Variants in TSNAX observed in about 807,000 individuals in gnomAD.
The protein encoded by TSNAX is translin-associated protein X.
In TSNAX, 12 loss-of-function variants were observed where a neutral mutation model predicts 33.0. The observed-to-expected ratio is 0.36, with a 90% CI of 0.23 to 0.59. The LOEUF is 0.59. Ranked by LOEUF, TSNAX falls within the 20% of genes least tolerant of loss-of-function variation. The pLI is 0.74. For missense variants in TSNAX, 267 were observed against 341.3 expected (o/e 0.78, Z 1.72); for synonymous variants, 110 against 117.2 (o/e 0.94, Z 0.40).
rs1466614815 is a variant in TSNAX, at chr1:231,564,847, T to C, written c.815T>C (p.Leu272Ser). The change falls in exon 6 of 6, where the codon TTG becomes TCG. Residue 272 changes from leucine (L) to serine (S), a missense_variant. Coordinates refer to ENST00000366639, the MANE Select transcript of TSNAX (RefSeq NM_005999.3). ...VRGSEIPKHM[L>S]ADVFSVKTEM... Reference sequence around the variant, plus strand: ...GGGTCAGAAATTCCAAAACATATGTTGGCAGATGTGTTTTCAGTTAAAACA... The same window carrying C: ...GGGTCAGAAATTCCAAAACATATGTCGGCAGATGTGTTTTCAGTTAAAACA... The C allele has an allele frequency of 2.5e-6, 4 of 1,614,168 alleles. No individual in the cohort carries two copies. In the South Asian group the frequency reaches 4.4e-5, roughly 18 times the overall value.
intron 3 of TSNAX, among the ~76,000 whole-genome samples, chr1:231,539,295 A>G (rs1030985329): frequency 2.0e-5 from 3 of 152,216 alleles, no homozygotes; most frequent in African/African-American, 4.8e-5. Flanking sequence ...AAAGAAAAAC[A>G]TACAGATTGA....
intron 3 of TSNAX, 125 bp from the exon 4 acceptor site, chr1:231,542,356 G>C: frequency 1.1e-6 from 1 of 888,684 alleles, no homozygotes; most frequent in Non-Finnish European, 1.7e-6. Context: ...ATAGTTTTGA[G>C]TAGTTTTGAG....
intron 2 of TSNAX, among the ~76,000 whole-genome samples, chr1:231,532,185 C>CACACAG (rs1356252515): frequency 6.9e-5 from 8 of 116,136 alleles, no homozygotes; most frequent in South Asian, 2.5e-4. Flanking sequence ...CACACACACA[C>CACACAG]AGTTTTGGTT....
At chr1:231,552,307 C>CA (rs57525507) in intron 4 of TSNAX, among the ~76,000 whole-genome samples, 9,115 of 151,976 alleles carry the variant, frequency 0.06, 364 homozygotes, top group Admixed American at 0.11. Context: ...CCAAAACAAA[C>CA]AAAAAAACCC....
intron 2 of TSNAX, 135 bp from the exon 3 acceptor site, chr1:231,537,078 A>G: frequency 1.8e-6 from 1 of 552,318 alleles, no homozygotes; most frequent in South Asian, 2.3e-5. Flanking sequence ...TGATCCACCT[A>G]CCGTGGCCTC....
intron 4 of TSNAX, among the ~76,000 whole-genome samples, chr1:231,557,222 A>G (rs1188964035): frequency 6.6e-6 from 1 of 152,136 alleles, no homozygotes; most frequent in Non-Finnish European, 1.5e-5. Flanking sequence ...AAGGGCAGCA[A>G]GGTTACTTGA....
chr1:231,563,351 A>G (rs1167346318), intron 5 of TSNAX: 2 of 152,652 alleles, frequency 1.3e-5, no homozygotes, highest in Non-Finnish European at 2.9e-5. Context: ...GATAGCAGCT[A>G]GCATTTGTTG....
intron 3 of TSNAX, among the ~76,000 whole-genome samples, chr1:231,539,119 T>G (rs1659387463): frequency 6.6e-6 from 1 of 152,196 alleles, no homozygotes; most frequent in South Asian, 2.1e-4. Flanking sequence ...TTTTGCTTGT[T>G]TTCTCATATC....
At chr1:231,529,653 C>G (rs1437203045) in intron 2 of TSNAX, among the ~76,000 whole-genome samples, 1 of 152,216 alleles carries the variant, frequency 6.6e-6, no homozygotes, top group Non-Finnish European at 1.5e-5. Context: ...ATTTACTCAT[C>G]TGTTATATGC....
Position 231,564,945 on chromosome 1 carries a change from C to T in TSNAX, c.*40C>T. Reference sequence around the variant, plus strand: ...CAGTTACTAATTCTTTTGAGAACTCCTAAGAGACCAATTTGTAAGACTTAT... The same window carrying T: ...CAGTTACTAATTCTTTTGAGAACTCTTAAGAGACCAATTTGTAAGACTTAT... On this transcript the variant is annotated 3_prime_UTR_variant, in exon 6 of 6. Transcript: ENST00000366639. 7 of 1,570,510 alleles carry T rather than the reference C, an allele frequency of 4.5e-6. No individual in the cohort carries two copies. The highest frequency in any genetic ancestry group is 6.0e-6 in the Non-Finnish European group (7 of 1,159,694).
intron 4 of TSNAX, among the ~76,000 whole-genome samples, chr1:231,558,598 G>A (rs144847937): frequency 1.5e-3 from 228 of 152,202 alleles, no homozygotes; most frequent in African/African-American, 5.4e-3. Flanking sequence ...CTCATAAGAG[G>A]CTAACCACAT....
intron 3 of TSNAX, among the ~76,000 whole-genome samples, chr1:231,541,230 T>C (rs967921972): frequency 2.6e-5 from 4 of 152,240 alleles, no homozygotes; most frequent in African/African-American, 7.2e-5. Flanking sequence ...GTTTTTGTAG[T>C]GATTGTTTTA....
At chr1:231,532,185 CAG>C (rs1491136299) in intron 2 of TSNAX, among the ~76,000 whole-genome samples, 34 of 116,138 alleles carry the variant, frequency 2.9e-4, no homozygotes, top group African/African-American at 1.0e-3. Context: ...CACACACACA[CAG>C]TTTTGGTTTT....
At chr1:231,531,149 G>A (rs1179350147) in intron 2 of TSNAX, among the ~76,000 whole-genome samples, 1 of 152,016 alleles carries the variant, frequency 6.6e-6, no homozygotes, top group African/African-American at 2.4e-5. Context: ...GTAGAGACAG[G>A]GTTTCGCCAT....
intron 4 of TSNAX, 123 bp downstream of exon 4, chr1:231,542,734 G>T: frequency 8.4e-7 from 1 of 1,189,970 alleles, no homozygotes; most frequent in East Asian, 2.4e-5. Context: ...TTAAAGAACT[G>T]CAACTTTGTA....
intron 3 of TSNAX, among the ~76,000 whole-genome samples, chr1:231,539,262 A>G (rs1318981873): frequency 6.6e-6 from 1 of 152,222 alleles, no homozygotes; most frequent in African/African-American, 2.4e-5. Context: ...CAGCAGTAAT[A>G]TAAATAACAA....
chr1:231,532,252 C>T (rs928425518), intron 2 of TSNAX, among the ~76,000 whole-genome samples: 15 of 145,860 alleles, frequency 1.0e-4, no homozygotes, highest in South Asian at 2.2e-4. Flanking sequence ...TGTGCAGTGG[C>T]GTGATCTTGG....
chr1:231,547,984 G>A (rs937102988), intron 4 of TSNAX, among the ~76,000 whole-genome samples: 2 of 151,904 alleles, frequency 1.3e-5, no homozygotes, highest in Non-Finnish European at 2.9e-5. Flanking sequence ...GGGACTACAG[G>A]CGTCCGCTAC....
intron 2 of TSNAX, chr1:231,535,864 T>C (rs1037034242): frequency 6.6e-6 from 1 of 152,232 alleles, no homozygotes; most frequent in Non-Finnish European, 1.5e-5. Flanking sequence ...CTTTTCTTAA[T>C]GTAATATTAT....
Sources: allele counts gnomAD v4.1 joint callset (sites outside exome capture counted in the v4.1 genomes callset), GRCh38; gene constraint gnomAD v4.1.1; transcripts MANE v1.5; gene names NCBI Gene and HGNC (gene_info 2026-07-23, HGNC 2026-07-21).